OLFM3: variants seen among roughly 807,000 people sequenced by gnomAD.
OLFM3 encodes noelin-3.
In OLFM3, 20 loss-of-function variants were observed where a neutral mutation model predicts 48.6. That is an observed-to-expected ratio of 0.41 (90% confidence interval 0.29 to 0.60). OLFM3 has a LOEUF of 0.60. OLFM3 is among the 20% of genes least tolerant of loss of function. The pLI, the probability that OLFM3 is intolerant of heterozygous loss-of-function variation, is 0.28. For synonymous variants in OLFM3, 222 were observed against 198.1 expected (o/e 1.12, Z -1.01); for missense variants, 437 against 544.3 (o/e 0.80, Z 1.96).
At chr1:101,897,239 A>T (rs980724921) in intron 1 of OLFM3, among the ~76,000 whole-genome samples, 1 of 152,200 alleles carries the variant, frequency 6.6e-6, no homozygotes, top group South Asian at 2.1e-4. Context: ...TACTATCTCT[A>T]TGCTAAAAAT....
rs77989383 is a variant in OLFM3 at position 101,890,557 on chromosome 1, A to G, written c.70-53532T>C. Among the ~76,000 whole-genome samples the G allele has an allele frequency of 4.0e-4, 61 of 152,104 alleles. No homozygotes were observed. In the East Asian group the frequency reaches 8.7e-3, roughly 22 times the overall value. On this transcript the variant is annotated intron_variant, in intron 1 of 5. Coordinates refer to ENST00000370103, the MANE Select transcript of OLFM3 (RefSeq NM_058170.4). ...ATCAGAGCCAACATGAAAATATCAC[A>G]ATGAGTCAGGAATTTTGTGAATTCT... is the stretch of plus-strand genomic sequence containing the variant.
chr1:101,992,271 G>A (rs923591613), intron 1 of OLFM3, among the ~76,000 whole-genome samples: 2 of 152,132 alleles, frequency 1.3e-5, no homozygotes, highest in Admixed American at 6.6e-5. Flanking sequence ...ATGAAGAAAG[G>A]TGATACCATT....
intron 1 of OLFM3, among the ~76,000 whole-genome samples, chr1:101,877,203 T>C (rs1355834127): frequency 6.6e-6 from 1 of 151,976 alleles, no homozygotes; most frequent in African/African-American, 2.4e-5. Context: ...TGAAGAAGTC[T>C]GGATTCGCAA....
intron 1 of OLFM3, among the ~76,000 whole-genome samples, chr1:101,948,998 G>T (rs1165873997): frequency 6.6e-6 from 1 of 151,242 alleles, no homozygotes; most frequent in Non-Finnish European, 1.5e-5. Flanking sequence ...GTAAAAAAGT[G>T]ATTGCTAATT....
chr1:101,862,677 C>T (rs2100965257), intron 1 of OLFM3, among the ~76,000 whole-genome samples: 1 of 152,262 alleles, frequency 6.6e-6, no homozygotes, highest in Non-Finnish European at 1.5e-5. Flanking sequence ...ATTTCCTGAT[C>T]CCACCTCACC....
chr1:101,843,048 A>T (rs1248659878), intron 1 of OLFM3, among the ~76,000 whole-genome samples: 1 of 152,196 alleles, frequency 6.6e-6, no homozygotes, highest in African/African-American at 2.4e-5. Flanking sequence ...AAATCAGTTA[A>T]ATCAGATATC....
intron 1 of OLFM3, among the ~76,000 whole-genome samples, chr1:101,950,275 G>T (rs1660097140): frequency 1.3e-5 from 2 of 152,038 alleles, no homozygotes; most frequent in African/African-American, 4.8e-5. Context: ...CCATCCTCTT[G>T]CTTTCTTCAC....
chr1:101,886,969 T>C (rs1240042616), intron 1 of OLFM3, among the ~76,000 whole-genome samples: 1 of 152,098 alleles, frequency 6.6e-6, no homozygotes, highest in Admixed American at 6.6e-5. Flanking sequence ...TAATTTCTTC[T>C]CTTGAAAAAT....
intron 3 of OLFM3, among the ~76,000 whole-genome samples, chr1:101,828,274 A>C (rs898014147): frequency 1.3e-5 from 2 of 152,212 alleles, no homozygotes; most frequent in Non-Finnish European, 2.9e-5. Context: ...CCTTATCTTT[A>C]AAATGGAAAT....
At chr1:101,908,228 G>A (rs1216394621) in intron 1 of OLFM3, among the ~76,000 whole-genome samples, 3 of 152,182 alleles carry the variant, frequency 2.0e-5, no homozygotes, top group African/African-American at 7.2e-5. Flanking sequence ...AGTAAAATGG[G>A]ATAACATCTT....
intron 1 of OLFM3, among the ~76,000 whole-genome samples, chr1:101,891,861 G>T (rs1265371468): frequency 6.6e-6 from 1 of 151,912 alleles, no homozygotes; most frequent in African/African-American, 2.4e-5. Context: ...CTATGTGTTT[G>T]TTAGAACCAT....
At chr1:101,973,275 T>C (rs66497147) in intron 1 of OLFM3, among the ~76,000 whole-genome samples, 37,749 of 152,128 alleles carry the variant, frequency 0.25, 5,256 homozygotes, top group Middle Eastern at 0.36. Context: ...GGTGTAACCA[T>C]GGAGGCCAAA....
chr1:101,808,558 A>G (rs779374004), intron 4 of OLFM3, among the ~76,000 whole-genome samples: 6 of 151,868 alleles, frequency 4.0e-5, no homozygotes, highest in Non-Finnish European at 8.8e-5. Context: ...TTACATCTTC[A>G]TCTGTAGATG....
chr1:101,993,828 T>G (rs2101125336), intron 1 of OLFM3, among the ~76,000 whole-genome samples: 1 of 152,008 alleles, frequency 6.6e-6, no homozygotes, highest in South Asian at 2.1e-4. Flanking sequence ...CTATGAACAA[T>G]GAATCTTGGC....
chr1:101,950,044 A>AG (rs1660086673), intron 1 of OLFM3, among the ~76,000 whole-genome samples: 1 of 129,632 alleles, frequency 7.7e-6, no homozygotes, highest in African/African-American at 2.8e-5. Context: ...AAAAAAAAAA[A>AG]AAAAGAAAAA....
chr1:101,856,323 T>C (rs72729672), intron 1 of OLFM3, among the ~76,000 whole-genome samples: 629 of 152,118 alleles, frequency 4.1e-3, no homozygotes, highest in Middle Eastern at 0.01. Flanking sequence ...GTCTGGTTCA[T>C]TAAAATAACC....
chr1:101,876,401 C>T (rs900693645), intron 1 of OLFM3, among the ~76,000 whole-genome samples: 12 of 151,924 alleles, frequency 7.9e-5, no homozygotes, highest in African/African-American at 2.9e-4. Flanking sequence ...GGCTATTGGG[C>T]CACTACATAC....
intron 1 of OLFM3, among the ~76,000 whole-genome samples, chr1:101,940,421 T>C (rs1659753594): frequency 1.3e-5 from 2 of 151,606 alleles, no homozygotes; most frequent in African/African-American, 4.8e-5. Context: ...AATCTAGGCC[T>C]TGATTTTTTA....
chr1:101,812,345 T>C, intron 4 of OLFM3: 1 of 818,034 alleles, frequency 1.2e-6, no homozygotes, highest in Non-Finnish European at 1.5e-6. Context: ...TTTAAAAATA[T>C]ATAAAATTAA....
Sources: allele counts gnomAD v4.1 joint callset (sites outside exome capture counted in the v4.1 genomes callset), GRCh38; gene constraint gnomAD v4.1.1; transcripts MANE v1.5; gene names NCBI Gene and HGNC (gene_info 2026-07-23, HGNC 2026-07-21).